The following CLIC5 variants were observed in gnomAD, a reference collection of about 807,000 sequenced individuals.
CLIC5 encodes CLIC family member 5, also known as chloride intracellular channel protein 5.
CLIC5 carries 20 observed loss-of-function variants against 24.7 expected under a neutral mutation model. The ratio of observed to expected loss-of-function variants is 0.81; its 90% CI spans 0.57 to 1.18. CLIC5 has a LOEUF of 1.18. CLIC5 is among the 50% of genes most tolerant of loss of function. The pLI is 0.00. For missense variants in CLIC5, 341 were observed against 326.1 expected (o/e 1.05, Z -0.35); for synonymous variants, 159 against 135.6 (o/e 1.17, Z -1.20).
intron 1 of CLIC5, among the ~76,000 whole-genome samples, chr6:45,980,869 T>C (rs1419548071): frequency 1.3e-5 from 2 of 152,204 alleles, no homozygotes; most frequent in African/African-American, 2.4e-5. Context: ...CTATAACTCA[T>C]TGTGTCTTTT....
chr6:45,952,741 A>T (rs1261253962), intron 2 of CLIC5, among the ~76,000 whole-genome samples: 1 of 152,152 alleles, frequency 6.6e-6, no homozygotes, highest in African/African-American at 2.4e-5. Context: ...GATCATGTGA[A>T]GGAGGAACCA....
intron 1 of CLIC5, among the ~76,000 whole-genome samples, chr6:45,957,283 T>C (rs1764676977): frequency 6.6e-6 from 1 of 152,192 alleles, no homozygotes; most frequent in African/African-American, 2.4e-5. Flanking sequence ...TTGTCAGGCA[T>C]TGTTCTAAAG....
At chr6:46,079,806 C>T in exon 1 of CLIC5, 1 of 1,552,192 alleles carries the variant, frequency 6.4e-7, no homozygotes, top group East Asian at 2.4e-5. Context: ...GAAGGCCTTA[C>T]TGTGCTGAAT....
intron 1 of CLIC5, among the ~76,000 whole-genome samples, chr6:46,006,678 T>C (rs886919796): frequency 6.7e-6 from 1 of 148,574 alleles, no homozygotes; most frequent in African/African-American, 2.6e-5. Context: ...TTTCTTTTTT[T>C]TCCTTTTTTT....
chr6:45,890,434 A>G (rs1362095442), intron 6 of CLIC5, among the ~76,000 whole-genome samples: 1 of 152,230 alleles, frequency 6.6e-6, no homozygotes, highest in African/African-American at 2.4e-5. Context: ...GAGAATGTGG[A>G]GCAAAGGGAA....
Position 45,905,531 on chromosome 6 carries a change from G to A in CLIC5, c.589-2276C>T, listed in dbSNP as rs150532981. The stretch of plus-strand genomic sequence containing the variant: ...TTGGCCACTTATTATGTCTTTTTTT[G>A]AGAAGTGTCTGTTCATGTCTTTTGC... On this transcript the variant is annotated intron_variant, in intron 5 of 5. Transcript: ENST00000339561. 3.8e-3 allele frequency among the ~76,000 whole-genome samples: 534 copies of A among 140,288 alleles called. 7 individuals carry two copies. The highest frequency in any genetic ancestry group is 0.013 in the African/African-American group (499 of 38,102). 92.0% of individuals were successfully genotyped at this position (140,288 alleles called of 152,430 possible).
intron 4 of CLIC5, among the ~76,000 whole-genome samples, chr6:45,919,864 A>T (rs1763184716): frequency 6.6e-6 from 1 of 152,192 alleles, no homozygotes; most frequent in South Asian, 2.1e-4. Flanking sequence ...GGCAGATTAG[A>T]ATCACGTACT....
intron 1 of CLIC5, among the ~76,000 whole-genome samples, chr6:46,025,480 C>T (rs1287905322): frequency 6.6e-6 from 1 of 151,972 alleles, no homozygotes; most frequent in Non-Finnish European, 1.5e-5. Context: ...GATTTGAATC[C>T]CAGGTTGTTA....
chr6:45,926,408 C>T (rs188514481), intron 4 of CLIC5, among the ~76,000 whole-genome samples: 8,005 of 151,076 alleles, frequency 0.053, 426 homozygotes, highest in African/African-American at 0.12. Context: ...CCACCACACC[C>T]GGCTAAATTT....
chr6:45,957,270 A>G (rs1469874091), intron 1 of CLIC5, among the ~76,000 whole-genome samples: 3 of 152,178 alleles, frequency 2.0e-5, no homozygotes, highest in Non-Finnish European at 4.4e-5. Flanking sequence ...TAACATATCT[A>G]TATTGTCAGG....
chr6:46,073,387 G>T (rs1436901783), intron 1 of CLIC5, among the ~76,000 whole-genome samples: 1 of 152,132 alleles, frequency 6.6e-6, no homozygotes, highest in African/African-American at 2.4e-5. Context: ...ACACCAGCTA[G>T]CTTTTTCCAC....
At chr6:45,889,143 T>A (rs1762328664) in intron 6 of CLIC5, among the ~76,000 whole-genome samples, 1 of 152,144 alleles carries the variant, frequency 6.6e-6, no homozygotes, top group African/African-American at 2.4e-5. Flanking sequence ...ACAACAGAAA[T>A]TTATTTTTCA....
downstream of CLIC5, among the ~76,000 whole-genome samples, chr6:45,894,774 G>A (rs34522587): frequency 0.062 from 9,454 of 152,242 alleles, 364 homozygotes; most frequent in South Asian, 0.098. Flanking sequence ...AACGGGCTGG[G>A]ATTGGGCAAA....
chr6:45,951,593 G>T (rs984798108), intron 2 of CLIC5, among the ~76,000 whole-genome samples: 2 of 152,114 alleles, frequency 1.3e-5, no homozygotes, highest in Non-Finnish European at 2.9e-5. Context: ...GGGGAAGAAG[G>T]TTTGGCAGAT....
intron 4 of CLIC5, among the ~76,000 whole-genome samples, chr6:45,935,530 C>A (rs1443878660): frequency 3.3e-5 from 5 of 152,220 alleles, no homozygotes; most frequent in Non-Finnish European, 5.9e-5. Context: ...CTCTATGAAC[C>A]TCCAGGTCTA....
chr6:46,036,914 T>A (rs1767677911), intron 1 of CLIC5, among the ~76,000 whole-genome samples: 1 of 152,210 alleles, frequency 6.6e-6, no homozygotes, highest in Admixed American at 6.5e-5. Flanking sequence ...AAATTTAAAA[T>A]AAGATAATTA....
At chr6:45,996,594 T>G (rs1293161201) in intron 1 of CLIC5, among the ~76,000 whole-genome samples, 1 of 152,210 alleles carries the variant, frequency 6.6e-6, no homozygotes, top group Non-Finnish European at 1.5e-5. Context: ...CACCATTTAT[T>G]AAATAGGGAA....
At chr6:45,889,525 G>A (rs773020739) in intron 6 of CLIC5, among the ~76,000 whole-genome samples, 3 of 152,064 alleles carry the variant, frequency 2.0e-5, no homozygotes, top group Non-Finnish European at 4.4e-5. Context: ...TAAGAAGGTG[G>A]GGCAGTAAGG....
chr6:45,924,751 A>G (rs2127337805), intron 4 of CLIC5, among the ~76,000 whole-genome samples: 1 of 144,084 alleles, frequency 6.9e-6, no homozygotes, highest in South Asian at 2.3e-4. Flanking sequence ...TGTTACTAGT[A>G]GAAGACAGAG....
Sources: gnomAD v4.1 joint callset for allele counts (sites outside exome capture counted in the v4.1 genomes callset) on GRCh38, gnomAD v4.1.1 for gene constraint, MANE v1.5 for transcripts, NCBI Gene and HGNC (gene_info 2026-07-23, HGNC 2026-07-21) for gene names.